The following NKAIN2 variants were observed in gnomAD, a reference collection of about 807,000 sequenced individuals.
NKAIN2 encodes sodium/potassium transporting ATPase interacting 2, also known as sodium/potassium-transporting ATPase subunit beta-1-interacting protein 2.
NKAIN2 carries 14 observed loss-of-function variants against 32.6 expected under a neutral mutation model. The observed-to-expected ratio is 0.43, with a 90% CI of 0.28 to 0.67. The LOEUF is 0.67. Among genes scored for constraint, NKAIN2 ranks in the 30% least tolerant of loss-of-function variants. The probability of loss-of-function intolerance (pLI) is 0.17; values close to 1 mark genes in which losing one functional copy is unlikely to be tolerated. For synonymous variants in NKAIN2, 80 were observed against 87.2 expected (o/e 0.92, Z 0.46); for missense variants, 198 against 258.3 (o/e 0.77, Z 1.60).
chr6:123,807,476 T>G (rs1359686635), intron 1 of NKAIN2, among the ~76,000 whole-genome samples: 1 of 152,118 alleles, frequency 6.6e-6, no homozygotes, highest in African/African-American at 2.4e-5. Context: ...AAATCATCAC[T>G]GCATTTGCAA....
chr6:124,317,701 G>T (rs761094030), intron 2 of NKAIN2, among the ~76,000 whole-genome samples: 2 of 151,934 alleles, frequency 1.3e-5, no homozygotes, highest in Non-Finnish European at 2.9e-5. Flanking sequence ...CCCCTAAAAT[G>T]TACATATTTC....
chr6:123,884,424 A>T (rs1370585149), intron 1 of NKAIN2, among the ~76,000 whole-genome samples: 1 of 152,176 alleles, frequency 6.6e-6, no homozygotes, highest in African/African-American at 2.4e-5. Context: ...CATAGGAATA[A>T]AGTAGTAATT....
intron 4 of NKAIN2, among the ~76,000 whole-genome samples, chr6:124,770,989 C>G (rs1778727880): frequency 6.6e-6 from 1 of 152,160 alleles, no homozygotes; most frequent in African/African-American, 2.4e-5. Context: ...CTGACCTCAT[C>G]ATTAATTAAC....
At chr6:123,955,590 T>TTTTATTTTATTTTATTTTATTTTA (rs1777536784) in intron 1 of NKAIN2, among the ~76,000 whole-genome samples, 2 of 136,664 alleles carry the variant, frequency 1.5e-5, no homozygotes, top group African/African-American at 5.6e-5. Flanking sequence ...ATTTAAACAT[T>TTTTATTTTATTTTATTTTATTTTA]TTTTATTTTA....
intron 4 of NKAIN2, among the ~76,000 whole-genome samples, chr6:124,708,536 T>A (rs1175630666): frequency 2.0e-5 from 3 of 152,048 alleles, no homozygotes; most frequent in Non-Finnish European, 4.4e-5. Flanking sequence ...GGTTTGTAGT[T>A]CTCCTTGAAG....
chr6:123,907,689 C>A (rs142541129), intron 1 of NKAIN2, among the ~76,000 whole-genome samples: 1 of 152,070 alleles, frequency 6.6e-6, no homozygotes, highest in Non-Finnish European at 1.5e-5. Context: ...TCTCACCCCC[C>A]ACTGCTGCCC....
rs180706076 is a variant in NKAIN2, at chr6:124,128,019, G to A, written c.55-154986G>A. On this transcript the variant is annotated intron_variant, in intron 1 of 6. Coordinates refer to ENST00000368417, the MANE Select transcript of NKAIN2 (RefSeq NM_001040214.3). ...TTTTTTTGTATTTTTTGTAGAGATGGGGCTTCACCATGTTGGCCAGGCTGG... is the reference window on the plus strand; with the variant it reads ...TTTTTTTGTATTTTTTGTAGAGATGAGGCTTCACCATGTTGGCCAGGCTGG... 2.0e-5 allele frequency among the ~76,000 whole-genome samples: 3 copies of A among 152,204 alleles called. No individual in the cohort carries two copies. In the East Asian group the frequency reaches 5.8e-4, roughly 29 times the overall value.
At chr6:124,125,949 T>C (rs992011321) in intron 1 of NKAIN2, among the ~76,000 whole-genome samples, 1 of 152,168 alleles carries the variant, frequency 6.6e-6, no homozygotes, top group African/African-American at 2.4e-5. Context: ...GTTCTTGAAG[T>C]GTTTCGCTCT....
At chr6:124,767,055 C>T (rs77251559) in intron 4 of NKAIN2, among the ~76,000 whole-genome samples, 30 of 152,118 alleles carry the variant, frequency 2.0e-4, no homozygotes, top group African/African-American at 6.7e-4. Context: ...CCATCACGCC[C>T]GGGTAATTTT....
chr6:124,514,701 C>T (rs190023438), intron 3 of NKAIN2, among the ~76,000 whole-genome samples: 2 of 148,608 alleles, frequency 1.3e-5, no homozygotes, highest in Non-Finnish European at 1.5e-5. Context: ...TTCAGTAGTT[C>T]AGTAAATATG....
At chr6:124,517,168 C>A (rs1485215057) in intron 3 of NKAIN2, among the ~76,000 whole-genome samples, 2 of 152,050 alleles carry the variant, frequency 1.3e-5, no homozygotes, top group African/African-American at 4.8e-5. Context: ...TCGAACAAGT[C>A]ACAGGTGATG....
chr6:123,920,584 C>T (rs1775705449), intron 1 of NKAIN2, among the ~76,000 whole-genome samples: 1 of 151,820 alleles, frequency 6.6e-6, no homozygotes, highest in Admixed American at 6.6e-5. Context: ...TCAGTTTCAC[C>T]CCAGCCACCC....
chr6:124,042,823 A>G (rs1182494093), intron 1 of NKAIN2, among the ~76,000 whole-genome samples: 1 of 152,094 alleles, frequency 6.6e-6, no homozygotes, highest in Non-Finnish European at 1.5e-5. Context: ...TCCCAGTGAA[A>G]GCTAGAAAAT....
chr6:124,731,637 C>G (rs903246336), intron 4 of NKAIN2, among the ~76,000 whole-genome samples: 1 of 150,470 alleles, frequency 6.6e-6, no homozygotes, highest in African/African-American at 2.4e-5. Context: ...TGCAGTGCAC[C>G]AGCATGGCAC....
In NKAIN2 at chr6:123,964,811, C is replaced by T. The variant is rs1161588268; in HGVS notation, c.54+160557C>T. 1.3e-5 allele frequency among the ~76,000 whole-genome samples: 2 copies of T among 152,090 alleles called. No individual in the cohort carries two copies. The highest frequency in any genetic ancestry group is 2.4e-5 in the African/African-American group (1 of 41,430). On this transcript the variant is annotated intron_variant, in intron 1 of 6. Transcript: ENST00000368417. The surrounding 1 kb of genome is among the most constrained non-coding windows in gnomAD (Gnocchi z 4.0). ...TTAGCCTTGCATCCATTTCTTACCT[C>T]ATGATTCGAGCTAAGCATGTTTCCT... is the stretch of plus-strand genomic sequence containing the variant.
chr6:124,634,361 G>A (rs563817920), intron 3 of NKAIN2, among the ~76,000 whole-genome samples: 1 of 152,210 alleles, frequency 6.6e-6, no homozygotes, highest in Non-Finnish European at 1.5e-5. Context: ...AATTAGGCAA[G>A]CAATTCATGA....
chr6:124,077,636 T>C (rs983628915), intron 1 of NKAIN2, among the ~76,000 whole-genome samples: 2 of 152,166 alleles, frequency 1.3e-5, no homozygotes, highest in African/African-American at 4.8e-5. Flanking sequence ...TAAATTCTTT[T>C]TTTTTTTTGG....
intron 1 of NKAIN2, among the ~76,000 whole-genome samples, chr6:123,853,835 C>T (rs2114963349): frequency 6.6e-6 from 1 of 151,162 alleles, no homozygotes; most frequent in South Asian, 2.1e-4. Context: ...TGCAGTGGCG[C>T]TATCTCAGCT....
chr6:123,897,416 C>A (rs9401707), intron 1 of NKAIN2, among the ~76,000 whole-genome samples: 2,160 of 152,226 alleles, frequency 0.014, 48 homozygotes, highest in East Asian at 0.11. Flanking sequence ...ATTCGTCAAG[C>A]ATCCTCTCAA....
Sources: gnomAD v4.1 joint callset for allele counts (sites outside exome capture counted in the v4.1 genomes callset) on GRCh38, gnomAD v4.1.1 for gene constraint, Gnocchi (gnomAD v3.1) non-coding constraint, MANE v1.5 for transcripts, NCBI Gene and HGNC (gene_info 2026-07-23, HGNC 2026-07-21) for gene names.